PCDH11X: variants seen among roughly 807,000 people sequenced by gnomAD.
The protein encoded by PCDH11X is protocadherin-11 X-linked.
A neutral mutation model predicts 53.3 loss-of-function variants in PCDH11X; 18 were observed. That is an observed-to-expected ratio of 0.34 (90% CI 0.23 to 0.50). The LOEUF (loss-of-function observed/expected upper bound fraction) is 0.50, where lower values mean the gene tolerates loss of function less well. PCDH11X is among the 20% of genes least tolerant of loss of function. PCDH11X has a pLI of 0.98. For missense variants in PCDH11X, 570 were observed against 1,032.4 expected, an observed-to-expected ratio of 0.55 and a Z score of 6.14; for synonymous variants, 279 against 393.3, an observed-to-expected ratio of 0.71 and a Z score of 3.44.
chrX:92,532,101 C>T (rs1337532444), intron 10 of PCDH11X, among the ~76,000 whole-genome samples: 2 of 111,268 alleles, frequency 1.8e-5, no homozygotes. Context: ...TTTTCTACTT[C>T]AAGTTGCCAT....
intron 5 of PCDH11X, among the ~76,000 whole-genome samples, chrX:91,854,126 C>A (rs1319723167): frequency 9.0e-6 from 1 of 110,720 alleles, no homozygotes; most frequent in Non-Finnish European, 1.9e-5. Flanking sequence ...TTTTTGGTAC[C>A]CATTAATCAT....
At chrX:91,970,014 G>A (rs1361382182) in intron 6 of PCDH11X, among the ~76,000 whole-genome samples, 1 of 110,141 alleles carries the variant, frequency 9.1e-6, no homozygotes, top group African/African-American at 3.3e-5. Flanking sequence ...TGGGTTCTTG[G>A]TCTCGCTGAC....
rs1312483061 is a variant in PCDH11X, at chrX:92,553,777, A to G, written c.3368-64487A>G. On this transcript the variant is annotated intron_variant, in intron 10 of 10. Transcript: ENST00000682573. Reference sequence around the variant, plus strand: ...GGTGTTATATTTCCATTATCATTCAATAGGTGGAGTTTTCTATTCCACCAT... The same window carrying G: ...GGTGTTATATTTCCATTATCATTCAGTAGGTGGAGTTTTCTATTCCACCAT... Among the ~76,000 whole-genome samples, 10 of 108,646 alleles carry G rather than the reference A, an allele frequency of 9.2e-5. No homozygotes were observed. In the East Asian group the frequency reaches 2.3e-3, roughly 25 times the overall value. The allele number at this position is 108,646 out of a possible 115,157, so 94.3% of individuals were successfully genotyped here.
At chrX:92,248,817 T>C (rs1318899104) in intron 7 of PCDH11X, among the ~76,000 whole-genome samples, 1 of 111,011 alleles carries the variant, frequency 9.0e-6, no homozygotes, top group Non-Finnish European at 1.9e-5. Flanking sequence ...ATTCTCTGCC[T>C]CTGCCTCCTG....
intron 4 of PCDH11X, among the ~76,000 whole-genome samples, chrX:91,820,621 T>C (rs1432878327): frequency 2.0e-5 from 2 of 101,973 alleles, no homozygotes; most frequent in African/African-American, 8.4e-5. Context: ...ATGTTGTAGG[T>C]TGCCTGTTCA....
At chrX:92,515,003 C>T (rs2074235882) in intron 10 of PCDH11X, among the ~76,000 whole-genome samples, 1 of 98,445 alleles carries the variant, frequency 1.0e-5, no homozygotes, top group Non-Finnish European at 2.0e-5. Flanking sequence ...GCTGAGATCC[C>T]GCCACTGCAC....
rs921464305 is a variant in PCDH11X, at chrX:92,269,243, T to A, written c.3144+6100T>A. Among the ~76,000 whole-genome samples, 10 of 111,975 alleles carry A rather than the reference T, an allele frequency of 8.9e-5. No individual in the cohort carries two copies. The South Asian group carries it at 2.9e-3, about 33-fold the overall frequency. On this transcript the variant is annotated intron_variant, in intron 8 of 10. Transcript: ENST00000682573. ...TCATCATTGTTATCCTTGGTTTCTC[T>A]GTTTGGAGTGCCAGTTTCCAACTGT...
At chrX:91,931,342 T>C (rs1602515730) in intron 6 of PCDH11X, among the ~76,000 whole-genome samples, 1 of 111,308 alleles carries the variant, frequency 9.0e-6, no homozygotes, top group African/African-American at 3.3e-5. Context: ...AAATTAATTA[T>C]GTTGAAAATA....
intron 7 of PCDH11X, among the ~76,000 whole-genome samples, chrX:92,225,357 AG>A (rs2066951604): frequency 9.2e-6 from 1 of 108,976 alleles, no homozygotes; most frequent in African/African-American, 3.3e-5. Flanking sequence ...GCGTTTACTG[AG>A]GGCTTAGTTT....
chrX:92,616,916 C>CT lies in PCDH11X; in HGVS notation c.3368-1339dup, dbSNP rs1015290293. Among the ~76,000 whole-genome samples the CT allele has an allele frequency of 1.5e-4, 16 of 109,633 alleles. No homozygotes were observed. In the South Asian group the frequency reaches 1.9e-3, roughly 13 times the overall value. The stretch of plus-strand genomic sequence containing the variant: ...ATTAGATTTTCTTTATTTTTTTCAT[C>CT]TTTTTTTTTAAATTTTAAGCACACA... On this transcript the variant is annotated intron_variant, in intron 10 of 10. Transcript: ENST00000682573.
chrX:92,232,950 C>T (rs1384803600), intron 7 of PCDH11X, among the ~76,000 whole-genome samples: 1 of 111,516 alleles, frequency 9.0e-6, no homozygotes, highest in Non-Finnish European at 1.9e-5. Flanking sequence ...CTCCCGACCT[C>T]CTGATCCGCC....
intron 5 of PCDH11X, among the ~76,000 whole-genome samples, chrX:91,863,309 T>C (rs1415983762): frequency 9.0e-6 from 1 of 111,274 alleles, no homozygotes; most frequent in African/African-American, 3.3e-5. Flanking sequence ...ATATTTAAAA[T>C]TGTTGTATCC....
At chrX:92,269,041 G>T (rs2067895207) in intron 8 of PCDH11X, among the ~76,000 whole-genome samples, 1 of 111,869 alleles carries the variant, frequency 8.9e-6, no homozygotes, top group Non-Finnish European at 1.9e-5. Flanking sequence ...TGATTTCAAG[G>T]TCTCCATAAT....
chrX:92,394,919 T>C (rs190626203), intron 9 of PCDH11X, among the ~76,000 whole-genome samples: 1,525 of 111,866 alleles, frequency 0.014, 26 homozygotes, highest in African/African-American at 0.047. Flanking sequence ...CTGGTGAATA[T>C]ATCAAGGAAT....
At chrX:92,158,556 C>T (rs763952048) in intron 6 of PCDH11X, among the ~76,000 whole-genome samples, 2 of 111,659 alleles carry the variant, frequency 1.8e-5, no homozygotes, top group East Asian at 5.7e-4. Flanking sequence ...AGATAGTTGA[C>T]TCCTTACTTT....
At chrX:92,585,006 G>A (rs1239361299) in intron 10 of PCDH11X, among the ~76,000 whole-genome samples, 1 of 110,143 alleles carries the variant, frequency 9.1e-6, no homozygotes, top group Non-Finnish European at 1.9e-5. Flanking sequence ...TGGTTATACA[G>A]TCCCACGGGC....
At chrX:91,874,548 TTTAA>T (rs1441106596) in intron 5 of PCDH11X, among the ~76,000 whole-genome samples, 2 of 107,815 alleles carry the variant, frequency 1.9e-5, no homozygotes, top group Admixed American at 2.0e-4. Context: ...AACTAATGAT[TTTAA>T]TTAATATTTC....
chrX:91,832,658 A>C (rs1440470387), intron 4 of PCDH11X, among the ~76,000 whole-genome samples: 1 of 109,605 alleles, frequency 9.1e-6, no homozygotes, highest in Non-Finnish European at 1.9e-5. Flanking sequence ...AAAATTAAAA[A>C]TAAAGATAGA....
intron 6 of PCDH11X, among the ~76,000 whole-genome samples, chrX:92,192,086 AT>A (rs780575339): frequency 1.8e-5 from 2 of 111,657 alleles, no homozygotes; most frequent in Non-Finnish European, 3.8e-5. Context: ...ATGAGTCATA[AT>A]TTTTTTAATG....
Sources: gnomAD v4.1 joint callset for allele counts (sites outside exome capture counted in the v4.1 genomes callset) on GRCh38, gnomAD v4.1.1 for gene constraint, MANE v1.5 for transcripts, NCBI Gene and HGNC (gene_info 2026-07-23, HGNC 2026-07-21) for gene names.